Variants in KIRREL3 observed in about 807,000 individuals in gnomAD.
The protein encoded by KIRREL3 is kirre like nephrin family adhesion molecule 3, also known as kin of IRRE-like protein 3.
Under a neutral mutation model 89.7 loss-of-function variants are expected in KIRREL3, and 36 were observed. The ratio of observed to expected loss-of-function variants is 0.40; its 90% CI spans 0.31 to 0.53. The LOEUF is 0.53. Among genes scored for constraint, KIRREL3 ranks in the 20% least tolerant of loss-of-function variants. KIRREL3 has a pLI of 0.49. For missense variants in KIRREL3, 864 were observed against 1,056.6 expected, an observed-to-expected ratio of 0.82 and a Z score of 2.53; for synonymous variants, 445 against 441.4, an observed-to-expected ratio of 1.01 and a Z score of -0.10.
chr11:126,434,746 G>A (rs896179306), intron 13 of KIRREL3, among the ~76,000 whole-genome samples: 1 of 152,222 alleles, frequency 6.6e-6, no homozygotes, highest in African/African-American at 2.4e-5. Flanking sequence ...GCCTCAGCTT[G>A]GGGTGAGATG....
intron 1 of KIRREL3, among the ~76,000 whole-genome samples, chr11:126,869,527 AATAG>A (rs966034810): frequency 6.6e-6 from 1 of 152,166 alleles, no homozygotes; most frequent in Non-Finnish European, 1.5e-5. Flanking sequence ...ATATTTGGTG[AATAG>A]ATAAATTCCT....
intron 1 of KIRREL3, among the ~76,000 whole-genome samples, chr11:126,713,826 C>G (rs1947853430): frequency 1.3e-5 from 2 of 152,022 alleles, no homozygotes; most frequent in South Asian, 2.1e-4. Flanking sequence ...AGGAAATATC[C>G]AGGTGAGGTG....
chr11:126,962,421 A>C (rs1949119849), intron 1 of KIRREL3, among the ~76,000 whole-genome samples: 1 of 152,214 alleles, frequency 6.6e-6, no homozygotes, highest in Admixed American at 6.5e-5. Context: ...GATGTGGTGG[A>C]AGCAGCAAGA....
In KIRREL3 at chr11:126,931,712, G is replaced by A. The variant is rs571300461; in HGVS notation, c.55+68743C>T. Among the ~76,000 whole-genome samples, 1 of 152,150 alleles carries A rather than the reference G, an allele frequency of 6.6e-6. No homozygotes were observed. Among genetic ancestry groups the A allele is most frequent in the Non-Finnish European group, 1.5e-5 (1 of 68,024 alleles). On this transcript the variant is annotated intron_variant, in intron 1 of 16. Transcript: ENST00000525144. The surrounding 1 kb of genome is among the most constrained non-coding windows in gnomAD (Gnocchi z 5.1). ...TTCATTCTTCCTTACAGCATTCTGG[G>A]GAAGATTATCACCAGTTTACAGACA...
In KIRREL3 at chr11:126,709,901, T is replaced by C. The variant is rs1046732045; in HGVS notation, c.56-146989A>G. On this transcript the variant is annotated intron_variant, in intron 1 of 16. Coordinates refer to ENST00000525144, the MANE Select transcript of KIRREL3 (RefSeq NM_032531.4). This position sits in a 1 kb window ranked among gnomAD's most constrained non-coding sequence, Gnocchi z 4.0. ...ACTGGGGCACGAGGGTAGGTAATGA[T>C]GTGAGCTACCTTACTGAGCATCTTC... Among the ~76,000 whole-genome samples, 3 of 152,190 alleles carry C rather than the reference T, an allele frequency of 2.0e-5. No homozygotes were observed. Among genetic ancestry groups the C allele is most frequent in the Admixed American group, 6.5e-5 (1 of 15,286 alleles).
intron 1 of KIRREL3, among the ~76,000 whole-genome samples, chr11:126,934,236 G>T (rs549731811): frequency 6.6e-6 from 1 of 152,154 alleles, no homozygotes; most frequent in East Asian, 1.9e-4. Context: ...TCAACAAATG[G>T]TTCTGAAACA....
chr11:126,878,635 G>T (rs1160516091), intron 1 of KIRREL3, among the ~76,000 whole-genome samples: 2 of 144,966 alleles, frequency 1.4e-5, no homozygotes, highest in Admixed American at 6.9e-5. Context: ...AGGAGCAAAA[G>T]AAAAAAAAAA....
chr11:126,574,416 G>C lies in KIRREL3; in HGVS notation c.56-11504C>G, dbSNP rs2134639308. On this transcript the variant is annotated intron_variant, in intron 1 of 16. Coordinates refer to ENST00000525144, the MANE Select transcript of KIRREL3 (RefSeq NM_032531.4). The surrounding 1 kb of genome is among the most constrained non-coding windows in gnomAD (Gnocchi z 5.3). The stretch of plus-strand genomic sequence containing the variant: ...GCAGTGAGTGGGCAAAGGAGAGCAT[G>C]ATGGCTTTGAGTATGGAATCAACCT... Among the ~76,000 whole-genome samples, 1 of 152,330 alleles carries C rather than the reference G, an allele frequency of 6.6e-6. No homozygotes were observed. Among genetic ancestry groups the C allele is most frequent in the African/African-American group, 2.4e-5 (1 of 41,568 alleles).
chr11:126,627,379 C>T lies in KIRREL3; in HGVS notation c.56-64467G>A, dbSNP rs188913059. ...CCTGGTCTGTGTTCCTATAGGCCGC[C>T]CTTTAGGCAAACCTTATTGCTTAGG... On this transcript the variant is annotated intron_variant, in intron 1 of 16. Transcript: ENST00000525144. This position sits in a 1 kb window ranked among gnomAD's most constrained non-coding sequence, Gnocchi z 5.0. Among the ~76,000 whole-genome samples the T allele has an allele frequency of 6.6e-6, 1 of 152,300 alleles. No homozygotes were observed. The highest frequency in any genetic ancestry group is 2.4e-5 in the African/African-American group (1 of 41,560).
At position 126,929,331 on chromosome 11, in the gene KIRREL3, G is replaced by A. The variant is rs551744812; in HGVS notation, c.55+71124C>T. On this transcript the variant is annotated intron_variant, in intron 1 of 16. Transcript: ENST00000525144. ...ATGATCCGAATGAAATCCAGACAGG[G>A]AGTCAAGACAGGGAAGGTACAGGCT... Among the ~76,000 whole-genome samples the A allele has an allele frequency of 1.2e-4, 18 of 152,242 alleles. No individual in the cohort carries two copies. The East Asian group carries it at 3.5e-3, about 30-fold the overall frequency.
At position 126,954,288 on chromosome 11, in the gene KIRREL3, A is replaced by C. The variant is rs2135157652; in HGVS notation, c.55+46167T>G. On this transcript the variant is annotated intron_variant, in intron 1 of 16. Transcript: ENST00000525144. This position sits in a 1 kb window ranked among gnomAD's most constrained non-coding sequence, Gnocchi z 4.1. Reference sequence around the variant, plus strand: ...CTTAAAAAAAAAAAAGCCCTGCCTCACAGTTGACATTTTATTTTATAGTCA... The same window carrying C: ...CTTAAAAAAAAAAAAGCCCTGCCTCCCAGTTGACATTTTATTTTATAGTCA... Among the ~76,000 whole-genome samples, 1 of 149,668 alleles carries C rather than the reference A, an allele frequency of 6.7e-6. No homozygotes were observed. The highest frequency in any genetic ancestry group is 2.4e-5 in the African/African-American group (1 of 41,056).
At chr11:126,567,813 C>A (rs1450113115) in intron 1 of KIRREL3, among the ~76,000 whole-genome samples, 1 of 150,900 alleles carries the variant, frequency 6.6e-6, no homozygotes, top group Non-Finnish European at 1.5e-5. Context: ...TGCTGGTTGC[C>A]TGGTTGCCCT....
chr11:126,541,521 A>G lies in KIRREL3; in HGVS notation c.134-14834T>C, dbSNP rs1332210799. ...CTATATCCTAAACATTAAAAAAAGT[A>G]AACAAAATAATCATTTATGCTGCTA... is the stretch of plus-strand genomic sequence containing the variant. On this transcript the variant is annotated intron_variant, in intron 2 of 16. Transcript: ENST00000525144. The surrounding 1 kb of genome is among the most constrained non-coding windows in gnomAD (Gnocchi z 4.8). Among the ~76,000 whole-genome samples the G allele has an allele frequency of 2.6e-5, 4 of 152,218 alleles. No individual in the cohort carries two copies. Among genetic ancestry groups the G allele is most frequent in the Non-Finnish European group, 5.9e-5 (4 of 68,042 alleles).
intron 1 of KIRREL3, among the ~76,000 whole-genome samples, chr11:126,621,591 T>C (rs1943576567): frequency 6.6e-6 from 1 of 152,214 alleles, no homozygotes; most frequent in Non-Finnish European, 1.5e-5. Flanking sequence ...AGATACACTC[T>C]TTATAAGAAC....
chr11:126,612,690 C>T lies in KIRREL3; in HGVS notation c.56-49778G>A, dbSNP rs1943184033. On this transcript the variant is annotated intron_variant, in intron 1 of 16. Coordinates refer to ENST00000525144, the MANE Select transcript of KIRREL3 (RefSeq NM_032531.4). This position sits in a 1 kb window ranked among gnomAD's most constrained non-coding sequence, Gnocchi z 4.5. ...CTGTCCCCGTCGGTAGCCATTAACC[C>T]ACTTTCTGCCTCTGTGGATTTACCT... Among the ~76,000 whole-genome samples, 1 of 152,176 alleles carries T rather than the reference C, an allele frequency of 6.6e-6. No homozygotes were observed. The highest frequency in any genetic ancestry group is 1.5e-5 in the Non-Finnish European group (1 of 68,030).
At chr11:126,875,456 T>C (rs889626386) in intron 1 of KIRREL3, among the ~76,000 whole-genome samples, 3 of 152,246 alleles carry the variant, frequency 2.0e-5, no homozygotes, top group African/African-American at 7.2e-5. Context: ...TAAACTCTAA[T>C]TCACATCTTG....
At position 126,641,466 on chromosome 11, in the gene KIRREL3, G is replaced by C. The variant is rs1944468024; in HGVS notation, c.56-78554C>G. 6.6e-6 allele frequency among the ~76,000 whole-genome samples: 1 copy of C among 152,050 alleles called. No individual in the cohort carries two copies. The stretch of plus-strand genomic sequence containing the variant: ...ACAGATTCTGGCTACAAATACCTGA[G>C]GTAAAAGGATACCTTTGACATTAGC... On this transcript the variant is annotated intron_variant, in intron 1 of 16. Coordinates refer to ENST00000525144, the MANE Select transcript of KIRREL3 (RefSeq NM_032531.4). This position sits in a 1 kb window ranked among gnomAD's most constrained non-coding sequence, Gnocchi z 5.0.
Position 126,752,669 on chromosome 11 carries a change from A to G in KIRREL3, c.56-189757T>C, listed in dbSNP as rs1164858812. On this transcript the variant is annotated intron_variant, in intron 1 of 16. Coordinates refer to ENST00000525144, the MANE Select transcript of KIRREL3 (RefSeq NM_032531.4). This position sits in a 1 kb window ranked among gnomAD's most constrained non-coding sequence, Gnocchi z 4.8. ...CTGCCTCCCAAGATTCACATGTGAA[A>G]GAATGCAAATTCAATTCCTCCTGAC... Among the ~76,000 whole-genome samples, 1 of 152,200 alleles carries G rather than the reference A, an allele frequency of 6.6e-6. No individual in the cohort carries two copies. Among genetic ancestry groups the G allele is most frequent in the African/African-American group, 2.4e-5 (1 of 41,448 alleles).
intron 1 of KIRREL3, among the ~76,000 whole-genome samples, chr11:126,951,662 A>G (rs1948777567): frequency 1.3e-5 from 2 of 152,188 alleles, no homozygotes; most frequent in Non-Finnish European, 2.9e-5. Flanking sequence ...TCTTCATGGA[A>G]TGAGTAATTG....
Sources: gnomAD v4.1 joint callset for allele counts (sites outside exome capture counted in the v4.1 genomes callset) on GRCh38, gnomAD v4.1.1 for gene constraint, Gnocchi (gnomAD v3.1) non-coding constraint, MANE v1.5 for transcripts, NCBI Gene and HGNC (gene_info 2026-07-23, HGNC 2026-07-21) for gene names.